Variants in CSMD1 observed in about 807,000 individuals in gnomAD.
The protein encoded by CSMD1 is CUB and Sushi multiple domains 1, also known as CUB and sushi domain-containing protein 1.
CSMD1 carries 213 observed loss-of-function variants against 417.5 expected under a neutral mutation model. The observed-to-expected ratio is 0.51, with a 90% CI of 0.46 to 0.57. The LOEUF (loss-of-function observed/expected upper bound fraction) is 0.57, where lower values mean the gene tolerates loss of function less well. Ranked by LOEUF, CSMD1 falls within the 20% of genes least tolerant of loss-of-function variation. The probability of loss-of-function intolerance (pLI) is 0.00; values close to 1 mark genes in which losing one functional copy is unlikely to be tolerated. For synonymous variants in CSMD1, 2,862 were observed against 1,736.8 expected (o/e 1.65, Z -16.11); for missense variants, 6,923 against 4,529.7 (o/e 1.53, Z -15.17).
At chr8:4,128,822 T>G (rs894039577) in intron 3 of CSMD1, among the ~76,000 whole-genome samples, 3 of 152,082 alleles carry the variant, frequency 2.0e-5, no homozygotes, top group Non-Finnish European at 4.4e-5. Context: ...TAGGGTAAGT[T>G]TCGGGATTCA....
intron 2 of CSMD1, among the ~76,000 whole-genome samples, chr8:4,558,449 G>C (rs527883394): frequency 1.0e-3 from 159 of 152,268 alleles, no homozygotes; most frequent in Non-Finnish European, 1.9e-3. Context: ...ATCAGCTTAA[G>C]TGAGGGTTGC....
chr8:4,990,468 A>T (rs1487825606), intron 1 of CSMD1, among the ~76,000 whole-genome samples: 3 of 152,098 alleles, frequency 2.0e-5, no homozygotes, highest in Admixed American at 2.0e-4. Context: ...GGTTCAAGAG[A>T]TTCTCCTGCC....
intron 26 of CSMD1, among the ~76,000 whole-genome samples, chr8:3,273,800 T>A (rs970716178): frequency 6.6e-6 from 1 of 152,006 alleles, no homozygotes; most frequent in Admixed American, 6.6e-5. Context: ...ATTTTTATTG[T>A]ATCTATTTGA....
At chr8:4,701,825 G>A (rs115777926) in intron 1 of CSMD1, among the ~76,000 whole-genome samples, 2 of 152,078 alleles carry the variant, frequency 1.3e-5, no homozygotes, top group East Asian at 3.9e-4. Context: ...ATTTACTCTG[G>A]ATGAAGAATC....
At chr8:4,139,362 G>A (rs1363321227) in intron 3 of CSMD1, among the ~76,000 whole-genome samples, 1 of 152,160 alleles carries the variant, frequency 6.6e-6, no homozygotes, top group African/African-American at 2.4e-5. Flanking sequence ...ACCAGGTAGA[G>A]GGTATCACAG....
chr8:3,790,151 A>G (rs1432723431), intron 5 of CSMD1, among the ~76,000 whole-genome samples: 1 of 152,226 alleles, frequency 6.6e-6, no homozygotes, highest in African/African-American at 2.4e-5. Flanking sequence ...CTTGGCTCAC[A>G]TGCCGTTTTA....
At chr8:3,966,781 A>T (rs549548621) in intron 5 of CSMD1, among the ~76,000 whole-genome samples, 1 of 152,156 alleles carries the variant, frequency 6.6e-6, no homozygotes, top group South Asian at 2.1e-4. Flanking sequence ...ACACTGATTT[A>T]TAGGTCTTAG....
intron 5 of CSMD1, among the ~76,000 whole-genome samples, chr8:3,783,750 C>G (rs543624659): frequency 4.6e-5 from 7 of 152,278 alleles, no homozygotes; most frequent in Admixed American, 6.5e-5. Context: ...ATTCAGATCC[C>G]CCTTTGCATA....
At chr8:3,525,675 T>A (rs1198151814) in intron 10 of CSMD1, among the ~76,000 whole-genome samples, 1 of 152,212 alleles carries the variant, frequency 6.6e-6, no homozygotes, top group African/African-American at 2.4e-5. Flanking sequence ...TGGAATTAAA[T>A]GCTGCTCTAT....
chr8:3,828,176 A>C (rs1244304161), intron 5 of CSMD1, among the ~76,000 whole-genome samples: 1 of 152,176 alleles, frequency 6.6e-6, no homozygotes, highest in Non-Finnish European at 1.5e-5. Flanking sequence ...AGGCAATCCA[A>C]GTTTAACCAG....
intron 1 of CSMD1, among the ~76,000 whole-genome samples, chr8:4,811,868 C>G (rs1798927074): frequency 6.6e-6 from 1 of 152,062 alleles, no homozygotes; most frequent in African/African-American, 2.4e-5. Flanking sequence ...AGTGCCACAG[C>G]TGCCTCAAAT....
chr8:3,493,894 T>C (rs977694745), intron 10 of CSMD1, among the ~76,000 whole-genome samples, 168 bp from the exon 11 acceptor site: 2 of 152,238 alleles, frequency 1.3e-5, no homozygotes, highest in African/African-American at 4.8e-5. Context: ...ATATATTTGA[T>C]AGCCTGGCAT....
At chr8:3,678,371 C>T (rs762607129) in intron 7 of CSMD1, among the ~76,000 whole-genome samples, 5 of 152,130 alleles carry the variant, frequency 3.3e-5, no homozygotes, top group South Asian at 4.2e-4. Context: ...AACCATGGCA[C>T]GGGAACTACG....
At chr8:3,642,036 C>G (rs781669460) in intron 7 of CSMD1, among the ~76,000 whole-genome samples, 3 of 152,094 alleles carry the variant, frequency 2.0e-5, no homozygotes, top group African/African-American at 4.8e-5. Flanking sequence ...ATCTGCAAAC[C>G]TTGATCACCT....
intron 2 of CSMD1, among the ~76,000 whole-genome samples, chr8:4,630,018 A>G (rs542613296): frequency 1.3e-5 from 2 of 152,130 alleles, no homozygotes; most frequent in Non-Finnish European, 2.9e-5. Flanking sequence ...CTCTGCCCAT[A>G]TTAGTATGGT....
intron 49 of CSMD1, among the ~76,000 whole-genome samples, chr8:3,082,688 T>C (rs540877180): frequency 1.3e-5 from 2 of 152,350 alleles, no homozygotes; most frequent in African/African-American, 2.4e-5. Context: ...ACAACCTTAA[T>C]GTACAAAAAC....
intron 3 of CSMD1, among the ~76,000 whole-genome samples, chr8:4,087,479 A>G (rs1368849932): frequency 6.6e-6 from 1 of 152,134 alleles, no homozygotes; most frequent in Non-Finnish European, 1.5e-5. Context: ...TTTCTTTCCA[A>G]ACCACCTGTA....
At chr8:4,335,002 C>T (rs550442982) in intron 3 of CSMD1, among the ~76,000 whole-genome samples, 1 of 152,148 alleles carries the variant, frequency 6.6e-6, no homozygotes, top group East Asian at 1.9e-4. Context: ...GCTCCGTTGC[C>T]TAAGTGATCT....
intron 7 of CSMD1, among the ~76,000 whole-genome samples, chr8:3,683,866 C>T (rs368517170): frequency 4.6e-5 from 7 of 151,868 alleles, no homozygotes; most frequent in Non-Finnish European, 7.4e-5. Context: ...ATGTTAAGCT[C>T]GCAGTTTGCT....
Sources: gnomAD v4.1 joint callset for allele counts (sites outside exome capture counted in the v4.1 genomes callset) on GRCh38, gnomAD v4.1.1 for gene constraint, MANE v1.5 for transcripts, NCBI Gene and HGNC (gene_info 2026-07-23, HGNC 2026-07-21) for gene names.